The following CFAP54 variants were observed in gnomAD, a reference collection of about 807,000 sequenced individuals.
CFAP54 encodes cilia- and flagella-associated protein 54.
A neutral mutation model predicts 370.4 loss-of-function variants in CFAP54; 290 were observed. The observed-to-expected ratio is 0.78, with a 90% confidence interval of 0.71 to 0.86. The LOEUF (loss-of-function observed/expected upper bound fraction) is 0.86. CFAP54 is among the 40% of genes least tolerant of loss of function. The pLI is 0.00. For synonymous variants in CFAP54, 1,206 were observed against 1,236.5 expected, an observed-to-expected ratio of 0.98 and a Z score of 0.52; for missense variants, 3,399 against 3,528.7, an observed-to-expected ratio of 0.96 and a Z score of 0.93.
chr12:96,740,818 G>T (rs553667843), intron 51 of CFAP54, among the ~76,000 whole-genome samples: 3 of 152,174 alleles, frequency 2.0e-5, no homozygotes, highest in Non-Finnish European at 4.4e-5. Context: ...ATTTGGCAAT[G>T]TCTGGAGATA....
intron 8 of CFAP54, among the ~76,000 whole-genome samples, chr12:96,526,284 C>T (rs558554794): frequency 6.6e-6 from 1 of 152,266 alleles, no homozygotes; most frequent in Admixed American, 6.5e-5. Flanking sequence ...TGGCAGGAAG[C>T]ATGTGCAGGA....
intron 19 of CFAP54, among the ~76,000 whole-genome samples, chr12:96,570,187 T>C (rs1592856094): frequency 2.0e-5 from 3 of 152,226 alleles, no homozygotes; most frequent in Non-Finnish European, 2.9e-5. Flanking sequence ...TTGCCCAGCA[T>C]GGTCTCGAAA....
intron 1 of CFAP54, among the ~76,000 whole-genome samples, chr12:96,490,723 AAT>A (rs1311737204): frequency 2.9e-5 from 4 of 139,270 alleles, no homozygotes; most frequent in Admixed American, 2.8e-4. Context: ...AATAAAATAA[AAT>A]ATTTTTTATT....
intron 14 of CFAP54, among the ~76,000 whole-genome samples, chr12:96,543,357 T>G (rs1955598675): frequency 6.6e-6 from 1 of 152,156 alleles, no homozygotes; most frequent in South Asian, 2.1e-4. Flanking sequence ...GCTGCTGTTG[T>G]GAGTTCAGGG....
At chr12:96,595,722 C>G (rs957113929) in intron 25 of CFAP54, among the ~76,000 whole-genome samples, 5 of 152,072 alleles carry the variant, frequency 3.3e-5, no homozygotes, top group Non-Finnish European at 7.4e-5. Context: ...CCTTCTGGGT[C>G]AGTTGTAAAT....
intron 61 of CFAP54, among the ~76,000 whole-genome samples, chr12:96,785,345 AT>A (rs1446243446): frequency 3.3e-5 from 5 of 152,174 alleles, no homozygotes; most frequent in Non-Finnish European, 5.9e-5. Context: ...TATCTAAAAA[AT>A]ATCCAGAAAA....
intron 17 of CFAP54, among the ~76,000 whole-genome samples, chr12:96,562,309 C>A (rs28848240): frequency 0.12 from 18,691 of 151,918 alleles, 1,224 homozygotes; most frequent in Middle Eastern, 0.19. Flanking sequence ...CTTTGCAGTT[C>A]ATTTTGTCTC....
At chr12:96,689,023 C>A (rs770132336) in intron 43 of CFAP54, 41 bp downstream of exon 43, 3 of 1,233,724 alleles carry the variant, frequency 2.4e-6, no homozygotes, top group East Asian at 2.7e-5. Flanking sequence ...TGTAGCACAA[C>A]CATTCATTGG....
chr12:96,564,983 T>A, intron 19 of CFAP54: 1 of 292,118 alleles, frequency 3.4e-6, no homozygotes, highest in East Asian at 5.9e-5. Flanking sequence ...CTTCATGCAA[T>A]CTACATGAGA....
chr12:96,563,704 C>A (rs1479318029), intron 17 of CFAP54, among the ~76,000 whole-genome samples: 1 of 152,150 alleles, frequency 6.6e-6, no homozygotes, highest in African/African-American at 2.4e-5. Flanking sequence ...TGCATTAGCA[C>A]AAATAATTAA....
intron 45 of CFAP54, 133 bp from the exon 46 acceptor site, chr12:96,699,838 T>G (rs945503874): frequency 4.4e-6 from 3 of 682,184 alleles, no homozygotes; most frequent in Non-Finnish European, 7.3e-6. Context: ...TAGTAAACAT[T>G]AATTCATAAT....
intron 66 of CFAP54, among the ~76,000 whole-genome samples, chr12:96,831,416 A>G (rs1011422359): frequency 1.1e-4 from 17 of 152,218 alleles, no homozygotes; most frequent in African/African-American, 4.1e-4. Context: ...TTTATTGGAC[A>G]CAGCCTTGTT....
chr12:96,817,730 T>G (rs1274921254), intron 64 of CFAP54, 45 bp from the exon 65 acceptor site: 1 of 1,320,140 alleles, frequency 7.6e-7, no homozygotes, highest in Non-Finnish European at 9.9e-7. Flanking sequence ...ATAAATACCT[T>G]TCTTAACTCT....
intron 60 of CFAP54, among the ~76,000 whole-genome samples, chr12:96,769,705 C>G (rs757910844): frequency 4.6e-5 from 7 of 152,168 alleles, no homozygotes; most frequent in East Asian, 1.9e-4. Context: ...AAATGATGAG[C>G]CTTCCCATGG....
At chr12:96,584,953 A>G (rs6538728) in intron 22 of CFAP54, among the ~76,000 whole-genome samples, 120,534 of 151,940 alleles carry the variant, frequency 0.79, 48,111 homozygotes, top group Middle Eastern at 0.86. Flanking sequence ...TCAGCTGACT[A>G]GCCTCTAACT....
chr12:96,748,019 A>G (rs74459466), intron 55 of CFAP54, among the ~76,000 whole-genome samples: 1 of 151,700 alleles, frequency 6.6e-6, no homozygotes, highest in Non-Finnish European at 1.5e-5. Context: ...CAGTCTGCAG[A>G]CTCAGATATG....
intron 48 of CFAP54, among the ~76,000 whole-genome samples, chr12:96,714,638 A>G (rs995956557): frequency 1.3e-5 from 2 of 152,180 alleles, no homozygotes; most frequent in African/African-American, 2.4e-5. Context: ...TGGACTTAAC[A>G]AAAGGAATGT....
intron 50 of CFAP54, among the ~76,000 whole-genome samples, chr12:96,733,559 TA>T (rs1555311108): frequency 7.1e-6 from 1 of 141,700 alleles, no homozygotes; most frequent in East Asian, 2.0e-4. Context: ...TTTTTTTTTT[TA>T]ATAAGTGTTC....
intron 33 of CFAP54, among the ~76,000 whole-genome samples, chr12:96,647,471 C>CGAAAAAAAAAAAAAAA (rs1167008566): frequency 1.9e-4 from 2 of 10,688 alleles, no homozygotes. Flanking sequence ...AGACTCTGTC[C>CGAAAAAAAAAAAAAAA]CAAAAAAAAA....
Sources: allele counts gnomAD v4.1 joint callset (sites outside exome capture counted in the v4.1 genomes callset), GRCh38; gene constraint gnomAD v4.1.1; transcripts MANE v1.5; gene names NCBI Gene and HGNC (gene_info 2026-07-23, HGNC 2026-07-21).